The following KCNRG variants were observed in gnomAD, a reference collection of about 807,000 sequenced individuals.
The protein encoded by KCNRG is potassium channel regulatory protein.
A neutral mutation model predicts 17.7 loss-of-function variants in KCNRG; 17 were observed. The ratio of observed to expected loss-of-function variants is 0.96; its 90% confidence interval spans 0.66 to 1.44. KCNRG has a LOEUF of 1.44. Among genes scored for constraint, KCNRG ranks in the 40% most tolerant of loss-of-function variants. KCNRG has a pLI of 0.00. For missense variants in KCNRG, 311 were observed against 321.1 expected (o/e 0.97, Z 0.24); for synonymous variants, 97 against 116.5 (o/e 0.83, Z 1.08).
chr13:50,020,084 G>T, intron 1 of KCNRG, 130 bp from the exon 2 acceptor site: 2 of 797,916 alleles, frequency 2.5e-6, no homozygotes, highest in Non-Finnish European at 3.9e-6. Flanking sequence ...TAAAGTAAAT[G>T]AAATTTCAAA....
Position 50,015,629 on chromosome 13 carries a change from G to C in KCNRG, c.136G>C (p.Gly46Arg), listed in dbSNP as rs1566448543. The C allele has an allele frequency of 1.2e-6, 2 of 1,613,970 alleles. No individual in the cohort carries two copies. Among genetic ancestry groups the C allele is most frequent in the African/African-American group, 2.7e-5 (2 of 74,900 alleles). ...DGRDQEFKMVGGQIFVDRDGD... is the reference protein window; with the variant it reads ...DGRDQEFKMVRGQIFVDRDGD... ...CAGAGACCAAGAATTCAAGATGGTTGGTGGCCAGATTTTTGTAGACAGAGA... is the reference window on the plus strand; with the variant it reads ...CAGAGACCAAGAATTCAAGATGGTTCGTGGCCAGATTTTTGTAGACAGAGA... Residue 46 changes from glycine to arginine, a missense_variant, in exon 1 of 2, where the codon GGT (glycine) becomes CGT (arginine). By Grantham distance (125) the Gly-to-Arg change is moderately radical (BLOSUM62 -2). Transcript: ENST00000312942.
At chr13:50,017,053 C>A (rs1487031943) in intron 1 of KCNRG, 1 of 166,904 alleles carries the variant, frequency 6.0e-6, no homozygotes. Flanking sequence ...TTTATAACTT[C>A]CTGTCCTTCA....
At chr13:50,016,827 C>T (rs1334403205) in intron 1 of KCNRG, 1 of 165,916 alleles carries the variant, frequency 6.0e-6, no homozygotes, top group African/African-American at 2.4e-5. Context: ...AAAGAAAAGC[C>T]TGCATGTGTT....
intron 1 of KCNRG, chr13:50,018,067 G>A (rs1206574736): frequency 6.0e-6 from 1 of 167,028 alleles, no homozygotes; most frequent in Non-Finnish European, 1.5e-5. Flanking sequence ...GGATTCTAAA[G>A]TCTTTATTTG....
In KCNRG at chr13:50,020,821, T is replaced by C. The variant is rs1239576993; in HGVS notation, c.*367T>C. The C allele has an allele frequency of 1.6e-5, 3 of 186,820 alleles. No homozygotes were observed. The highest frequency in any genetic ancestry group is 3.4e-5 in the Non-Finnish European group (3 of 87,830). 11.6% of individuals were successfully genotyped at this position (186,820 alleles called of 1,614,324 possible). A position where few individuals can be genotyped will look rare whatever the true frequency, so the allele number is the denominator to read the frequency against. Reference sequence around the variant, plus strand: ...TACCCTAAGTACCCTGACTTGATCATTACACCTTCTATGCATGCAACAAAA... The same window carrying C: ...TACCCTAAGTACCCTGACTTGATCACTACACCTTCTATGCATGCAACAAAA... On this transcript the variant is annotated 3_prime_UTR_variant, in exon 2 of 2. Transcript: ENST00000312942.
At chr13:50,016,179 A>C in intron 1 of KCNRG, 108 bp downstream of exon 1, 3 of 806,126 alleles carry the variant, frequency 3.7e-6, no homozygotes, top group Non-Finnish European at 5.9e-6. Flanking sequence ...ATTATTCAAA[A>C]TAATGTTTTG....
intron 1 of KCNRG, chr13:50,016,345 AAAT>A (rs1196398813): frequency 2.5e-5 from 9 of 366,838 alleles, no homozygotes; most frequent in Admixed American, 4.3e-5. Flanking sequence ...TCATGGGAGA[AAAT>A]AATTTTGTAG....
chr13:50,020,348 A>C lies in KCNRG; in HGVS notation c.713A>C (p.Glu238Ala). 6.2e-7 allele frequency: 1 copy of C among 1,614,136 alleles called. No homozygotes were observed. Among genetic ancestry groups the C allele is most frequent in the Non-Finnish European group, 8.5e-7 (1 of 1,179,972 alleles). ...TRTVSSEDKTECYSFERIKSP... is the reference protein window; with the variant it reads ...TRTVSSEDKTACYSFERIKSP... ...ACAGTATCTTCTGAAGACAAAACTG[A>C]ATGCTATAGCTTTGAAAGGATAAAA... The change falls in exon 2 of 2, where the codon GAA becomes GCA. Residue 238 changes from glutamate to alanine, a missense_variant. Physicochemically the swap from Glu to Ala is moderately radical, Grantham distance 107 (BLOSUM62 -1). Transcript: ENST00000312942.
rs567282091 is a variant in KCNRG at position 50,020,574 on chromosome 13, C to A, written c.*120C>A. 1 of 1,041,346 alleles carries A rather than the reference C, an allele frequency of 9.6e-7. No individual in the cohort carries two copies. The highest frequency in any genetic ancestry group is 1.6e-5 in the African/African-American group (1 of 62,350). 64.5% of individuals were successfully genotyped at this position (1,041,346 alleles called of 1,614,324 possible). Reference sequence around the variant, plus strand: ...CTCTTGGCTTCATCTGCTGCCATGCCGTCTCTGGGCAACCAGGCCCCAACT... The same window carrying A: ...CTCTTGGCTTCATCTGCTGCCATGCAGTCTCTGGGCAACCAGGCCCCAACT... On this transcript the variant is annotated 3_prime_UTR_variant, in exon 2 of 2. Coordinates refer to ENST00000312942, the MANE Select transcript of KCNRG (RefSeq NM_173605.2).
chr13:50,019,499 A>G (rs1023555530), intron 1 of KCNRG, among the ~76,000 whole-genome samples: 1 of 152,226 alleles, frequency 6.6e-6, no homozygotes, highest in African/African-American at 2.4e-5. Flanking sequence ...AATTGATAAG[A>G]TTAGATCTGG....
intron 1 of KCNRG, chr13:50,017,779 T>A (rs1262616623): frequency 6.0e-6 from 1 of 167,014 alleles, no homozygotes; most frequent in African/African-American, 2.4e-5. Flanking sequence ...TAATTAGCAA[T>A]CATTTTTATT....
At position 50,020,434 on chromosome 13, in the gene KCNRG, C is replaced by A. The variant is rs1387113731; in HGVS notation, c.799C>A (p.Gln267Lys). 6.2e-7 allele frequency: 1 copy of A among 1,613,030 alleles called. No homozygotes were observed. The highest frequency in any genetic ancestry group is 8.5e-7 in the Non-Finnish European group (1 of 1,179,628). Residue 267 changes from glutamine to lysine, a missense_variant, in exon 2 of 2, where the codon CAA (glutamine) becomes AAA (lysine). Coordinates refer to ENST00000312942, the MANE Select transcript of KCNRG (RefSeq NM_173605.2). ...ACCAGAGACTATCATCATACCAGAG[C>A]AATCTCAGATAAAGAAATGAAGTTG... The part of the protein sequence containing the change: ...PKPETIIIPE[Q>K]SQIKK
intron 1 of KCNRG, chr13:50,017,921 C>CA (rs1876810133): frequency 6.0e-6 from 1 of 166,994 alleles, no homozygotes; most frequent in African/African-American, 2.4e-5. Context: ...TTTGTTCTAT[C>CA]AATATGATTT....
In KCNRG at chr13:50,020,442, GA is replaced by G. The variant is rs1566454408; in HGVS notation, c.808del (p.Ile270Ter). 3 of 1,612,576 alleles carry G rather than the reference GA, an allele frequency of 1.9e-6. No individual in the cohort carries two copies. Among genetic ancestry groups the G allele is most frequent in the Non-Finnish European group, 2.5e-6 (3 of 1,179,552 alleles). Reference protein sequence around the residue: ...ETIIIPEQSQIKK With the variant: ...ETIIIPEQSQXKK The stretch of plus-strand genomic sequence containing the variant: ...CTATCATCATACCAGAGCAATCTCA[GA>G]TAAAGAAATGAAGTTGTCTATCCTC... On this transcript the variant is annotated frameshift_variant, in exon 2 of 2. Coordinates refer to ENST00000312942, the MANE Select transcript of KCNRG (RefSeq NM_173605.2). LOFTEE classifies it high-confidence loss of function.
chr13:50,019,509 GA>G (rs1555326176), intron 1 of KCNRG, among the ~76,000 whole-genome samples: 6 of 152,178 alleles, frequency 3.9e-5, no homozygotes, highest in Non-Finnish European at 8.8e-5. Flanking sequence ...ATTAGATCTG[GA>G]GGGGAAATTG....
At position 50,015,903 on chromosome 13, in the gene KCNRG, CAGGG is replaced by C. The variant is rs1566449347; in HGVS notation, c.414_417del (p.Arg139LeufsTer22). ...TGCAGCAAAACAATTGAGATGCTAACAGGGAGGATTACAGTGTTTACAGAACAAC... is the reference window on the plus strand; with the variant it reads ...TGCAGCAAAACAATTGAGATGCTAACAGGATTACAGTGTTTACAGAACAAC... On this transcript the variant is annotated frameshift_variant, in exon 1 of 2. Coordinates refer to ENST00000312942, the MANE Select transcript of KCNRG (RefSeq NM_173605.2). LOFTEE classifies it high-confidence loss of function. 1.9e-6 allele frequency: 3 copies of C among 1,613,996 alleles called. No individual in the cohort carries two copies. Among genetic ancestry groups the C allele is most frequent in the African/African-American group, 2.7e-5 (2 of 74,898 alleles).
chr13:50,020,450 A>C lies in KCNRG; in HGVS notation c.815A>C (p.Lys272Thr). ...ATACCAGAGCAATCTCAGATAAAGA[A>C]ATGAAGTTGTCTATCCTCTTTTAAA... ...IIIPEQSQIK[K>T] Residue 272 changes from lysine to threonine, a missense_variant, in exon 2 of 2, where the codon AAA becomes ACA. Coordinates refer to ENST00000312942, the MANE Select transcript of KCNRG (RefSeq NM_173605.2). The C allele has an allele frequency of 6.2e-7, 1 of 1,612,536 alleles. No homozygotes were observed. The highest frequency in any genetic ancestry group is 1.7e-5 in the Admixed American group (1 of 59,562).
intron 1 of KCNRG, chr13:50,016,282 A>G (rs1397846602): frequency 2.0e-6 from 1 of 507,402 alleles, no homozygotes; most frequent in Non-Finnish European, 3.6e-6. Context: ...TAGGTGGGAC[A>G]AAAGGAATAA....
chr13:50,017,730 C>T (rs746245177), intron 1 of KCNRG: 10 of 167,014 alleles, frequency 6.0e-5, no homozygotes, highest in African/African-American at 2.4e-4. Context: ...GGGATGAAAA[C>T]TCTGGCCTTA....
Sources: gnomAD v4.1 joint callset for allele counts (sites outside exome capture counted in the v4.1 genomes callset) on GRCh38, gnomAD v4.1.1 for gene constraint, MANE v1.5 for transcripts, NCBI Gene and HGNC (gene_info 2026-07-23, HGNC 2026-07-21) for gene names.